Variants in TENM2 observed in about 807,000 individuals in gnomAD.
The protein encoded by TENM2 is teneurin-2.
A neutral mutation model predicts 245.2 loss-of-function variants in TENM2; 52 were observed. The ratio of observed to expected loss-of-function variants is 0.21; its 90% CI spans 0.17 to 0.27. The LOEUF (loss-of-function observed/expected upper bound fraction) is 0.27, where lower values mean the gene tolerates loss of function less well. Ranked by LOEUF, TENM2 falls within the 10% of genes least tolerant of loss-of-function variation. TENM2 has a pLI of 1.00. For synonymous variants in TENM2, 1,363 were observed against 1,438.9 expected, an observed-to-expected ratio of 0.95 and a Z score of 1.19; for missense variants, 3,046 against 3,666.8, an observed-to-expected ratio of 0.83 and a Z score of 4.37.
chr5:167,065,625 C>CT, the TENM2 span, among the ~76,000 whole-genome samples: 37 of 152,256 alleles, frequency 2.4e-4, no homozygotes, highest in African/African-American at 8.9e-4. Flanking sequence ...ATAGTGATGG[C>CT]TAATACCGTG....
At chr5:167,907,527 ATATATATATATATAT>A (rs1197693159) in intron 3 of TENM2, among the ~76,000 whole-genome samples, 20 of 4,312 alleles carry the variant, frequency 4.6e-3, no homozygotes, top group Non-Finnish European at 4.3e-4. Context: ...CACCCTAAAT[ATATATATATATATAT>A]ATATATATAT....
At chr5:167,910,059 T>A (rs1423204986) in intron 3 of TENM2, among the ~76,000 whole-genome samples, 2 of 152,196 alleles carry the variant, frequency 1.3e-5, no homozygotes, top group African/African-American at 2.4e-5. Flanking sequence ...GAGATTTTGA[T>A]CTGGTACTTT....
At chr5:167,283,578 G>A (rs1435551887), upstream of TENM2, among the ~76,000 whole-genome samples, 2 of 152,244 alleles carry the variant, frequency 1.3e-5, no homozygotes, top group African/African-American at 4.8e-5. Flanking sequence ...AGGAAGAGCA[G>A]AGGGGTTCAA....
chr5:168,001,784 C>T (rs1434040628), intron 5 of TENM2, among the ~76,000 whole-genome samples: 2 of 152,196 alleles, frequency 1.3e-5, no homozygotes, highest in Admixed American at 6.5e-5. Flanking sequence ...CTTCTCTTAT[C>T]AAACAAGTCA....
At chr5:167,167,653 G>A in the TENM2 span, among the ~76,000 whole-genome samples, 3 of 152,182 alleles carry the variant, frequency 2.0e-5, no homozygotes, top group South Asian at 2.1e-4. Context: ...CACATAGCAC[G>A]TTATATGTAG....
At chr5:167,197,135 A>G in the TENM2 span, among the ~76,000 whole-genome samples, 2 of 152,076 alleles carry the variant, frequency 1.3e-5, no homozygotes, top group Non-Finnish European at 1.5e-5. Flanking sequence ...ACATTATTAA[A>G]ACCATTTCAC....
the TENM2 span, among the ~76,000 whole-genome samples, chr5:167,119,165 A>G: frequency 1.3e-5 from 2 of 152,222 alleles, no homozygotes; most frequent in East Asian, 1.9e-4. Context: ...TCAAATACAG[A>G]TACAATTAGT....
At chr5:167,761,898 C>T (rs1762697393) in intron 2 of TENM2, among the ~76,000 whole-genome samples, 1 of 152,164 alleles carries the variant, frequency 6.6e-6, no homozygotes, top group Admixed American at 6.5e-5. Context: ...CCAGAAGGGC[C>T]ACTTCCAGCA....
chr5:167,733,830 A>G lies in TENM2; in HGVS notation c.503-142156A>G, dbSNP rs530166939. Among the ~76,000 whole-genome samples, 3 of 152,254 alleles carry G rather than the reference A, an allele frequency of 2.0e-5. No individual in the cohort carries two copies. In the South Asian group the frequency reaches 6.2e-4, roughly 32 times the overall value. The stretch of plus-strand genomic sequence containing the variant: ...GTGTATCTTAATGGAAGCGGCTATC[A>G]TGTATTGCGTATATATGTGCCAGTC... On this transcript the variant is annotated intron_variant, in intron 2 of 28. Transcript: ENST00000518659.
At chr5:167,284,669 A>G (rs1771234891), upstream of TENM2, 3 of 609,234 alleles carry the variant, frequency 4.9e-6, no homozygotes, top group East Asian at 5.5e-5. Flanking sequence ...CCAAGGCTGC[A>G]TGTTCATGTT....
chr5:167,104,635 A>T, the TENM2 span, among the ~76,000 whole-genome samples: 1 of 152,216 alleles, frequency 6.6e-6, no homozygotes, highest in Non-Finnish European at 1.5e-5. Context: ...TCCTATCATA[A>T]TGATTACAGT....
At chr5:167,774,389 C>T (rs1763617893) in intron 2 of TENM2, among the ~76,000 whole-genome samples, 1 of 152,176 alleles carries the variant, frequency 6.6e-6, no homozygotes. Context: ...AGTTTACTTG[C>T]ATTGCCAAAT....
At position 167,769,994 on chromosome 5, in the gene TENM2, G is replaced by A. The variant is rs75929292; in HGVS notation, c.503-105992G>A. Reference sequence around the variant, plus strand: ...AGAATGTTCACATGGGAAATTCAAAGCTACTTTCTGTCTTCCCAGTGTCTA... The same window carrying A: ...AGAATGTTCACATGGGAAATTCAAAACTACTTTCTGTCTTCCCAGTGTCTA... On this transcript the variant is annotated intron_variant, in intron 2 of 28. Coordinates refer to ENST00000518659, the Ensembl canonical transcript of TENM2. Among the ~76,000 whole-genome samples the A allele has an allele frequency of 8.3e-4, 127 of 152,266 alleles. 2 individuals are homozygous for A. The East Asian group carries it at 0.024, about 29-fold the overall frequency.
At chr5:167,918,673 C>T (rs1439329093) in intron 3 of TENM2, among the ~76,000 whole-genome samples, 1 of 152,138 alleles carries the variant, frequency 6.6e-6, no homozygotes, top group Non-Finnish European at 1.5e-5. Context: ...AGGCTGACCT[C>T]ACTCTTAATC....
intron 12 of TENM2, chr5:168,149,314 A>G (rs1463441960): frequency 4.4e-6 from 2 of 455,330 alleles, no homozygotes; most frequent in African/African-American, 2.0e-5. Context: ...TATTTTTAGT[A>G]TGAAAAAGCA....
intron 3 of TENM2, among the ~76,000 whole-genome samples, chr5:167,951,031 G>A (rs1780053954): frequency 6.6e-6 from 1 of 152,142 alleles, no homozygotes; most frequent in South Asian, 2.1e-4. Context: ...GAACTTCAAG[G>A]AACCTGTTTC....
At chr5:167,315,018 T>A (rs1756273015) in intron 1 of TENM2, among the ~76,000 whole-genome samples, 1 of 152,092 alleles carries the variant, frequency 6.6e-6, no homozygotes, top group Non-Finnish European at 1.5e-5. Context: ...ATATGCTACA[T>A]TTTACTTAAC....
At chr5:167,082,581 A>G in the TENM2 span, among the ~76,000 whole-genome samples, 1 of 152,162 alleles carries the variant, frequency 6.6e-6, no homozygotes, top group African/African-American at 2.4e-5. Context: ...CACCATACAC[A>G]GCCGAAGTGA....
At chr5:167,422,210 G>T (rs1334316530) in intron 2 of TENM2, among the ~76,000 whole-genome samples, 1 of 152,166 alleles carries the variant, frequency 6.6e-6, no homozygotes, top group Admixed American at 6.6e-5. Flanking sequence ...TCGACAAATA[G>T]CACAATTATT....
Sources: gnomAD v4.1 joint callset for allele counts (sites outside exome capture counted in the v4.1 genomes callset) on GRCh38, gnomAD v4.1.1 for gene constraint, MANE v1.5 for transcripts, NCBI Gene and HGNC (gene_info 2026-07-23, HGNC 2026-07-21) for gene names.